Variants in TMEM273 observed in about 807,000 individuals in gnomAD.
TMEM273 encodes the protein chromosome 10 open reading frame 128.
A neutral mutation model predicts 17.9 loss-of-function variants in TMEM273; 19 were observed. The observed-to-expected ratio is 1.06, with a 90% confidence interval of 0.74 to 1.55. The LOEUF (loss-of-function observed/expected upper bound fraction) is 1.55. TMEM273 is among the 40% of genes most tolerant of loss of function. The pLI is 0.00. For synonymous variants in TMEM273, 66 were observed against 62.0 expected (o/e 1.07, Z -0.31); for missense variants, 194 against 155.6 (o/e 1.25, Z -1.31).
intron 5 of TMEM273, among the ~76,000 whole-genome samples, chr10:49,163,981 G>C (rs1399846680): frequency 6.6e-6 from 1 of 152,086 alleles, no homozygotes; most frequent in Non-Finnish European, 1.5e-5. Context: ...TCCTTCAATA[G>C]ACACTACTTG....
chr10:49,178,495 A>T, intron 1 of TMEM273: 1 of 339,382 alleles, frequency 2.9e-6, no homozygotes, highest in South Asian at 2.3e-5. Context: ...AACAGATGAC[A>T]TGTGAGGAGG....
At chr10:49,173,508 T>C (rs1846726540) in intron 1 of TMEM273, among the ~76,000 whole-genome samples, 1 of 152,168 alleles carries the variant, frequency 6.6e-6, no homozygotes, top group Non-Finnish European at 1.5e-5. Context: ...CTGTGGAAAG[T>C]GCTTATTTAT....
At chr10:49,156,190 G>C in intron 6 of TMEM273, 2 of 1,475,450 alleles carry the variant, frequency 1.4e-6, no homozygotes, top group Non-Finnish European at 1.8e-6. Flanking sequence ...ATTCCTCGAG[G>C]TTAATAGGCA....
chr10:49,171,003 C>G (rs530160010), intron 1 of TMEM273, among the ~76,000 whole-genome samples: 10 of 152,276 alleles, frequency 6.6e-5, no homozygotes, highest in African/African-American at 2.4e-4. Flanking sequence ...TGGAGTGCCT[C>G]GGCTGCATTT....
At chr10:49,172,584 G>A (rs1846650022) in intron 1 of TMEM273, among the ~76,000 whole-genome samples, 1 of 152,198 alleles carries the variant, frequency 6.6e-6, no homozygotes, top group Admixed American at 6.5e-5. Flanking sequence ...ACTTCACTAT[G>A]ACCTCATGAT....
chr10:49,178,118 A>C, intron 1 of TMEM273: 1 of 450,440 alleles, frequency 2.2e-6, no homozygotes, highest in South Asian at 1.6e-5. Context: ...GCTGTTTAAA[A>C]TCCTACAGAA....
intron 1 of TMEM273, among the ~76,000 whole-genome samples, chr10:49,177,051 G>A (rs1847028425): frequency 6.6e-6 from 1 of 152,178 alleles, no homozygotes; most frequent in Admixed American, 6.5e-5. Context: ...CGCCAGGGGA[G>A]GCAGGGTCAG....
intron 1 of TMEM273, among the ~76,000 whole-genome samples, chr10:49,184,665 A>G (rs1368035291): frequency 6.6e-6 from 1 of 152,220 alleles, no homozygotes; most frequent in Non-Finnish European, 1.5e-5. Flanking sequence ...TGTAAGGAAC[A>G]GATATGGCCA....
rs531716450 is a variant in TMEM273, at chr10:49,181,439, G to GA, written c.43+6854dup. 4.6e-5 allele frequency among the ~76,000 whole-genome samples: 7 copies of GA among 152,292 alleles called. No homozygotes were observed. The East Asian group carries it at 1.3e-3, about 29-fold the overall frequency. On this transcript the variant is annotated intron_variant, in intron 1 of 6. Coordinates refer to ENST00000374153, the MANE Select transcript of TMEM273 (RefSeq NM_001288740.3). ...TTTGAAAAGGAAGAATAAAGTAGAA[G>GA]AAATCACTCTACTCCCTTGAGACTT...
chr10:49,176,185 C>G (rs1846953965), intron 1 of TMEM273, among the ~76,000 whole-genome samples: 1 of 152,182 alleles, frequency 6.6e-6, no homozygotes, highest in South Asian at 2.1e-4. Context: ...AGCAGCTGCC[C>G]TTCCACAAGC....
Position 49,183,740 on chromosome 10 carries a change from G to A in TMEM273, c.43+4554C>T, listed in dbSNP as rs4838371. On this transcript the variant is annotated intron_variant, in intron 1 of 6. Transcript: ENST00000374153. ...TGACTACAATAAGAGTATCTGCCTT[G>A]GGGCTGAGAAATGAACAGGGTCCAC... Among the ~76,000 whole-genome samples, 1,497 of 152,242 alleles carry A rather than the reference G, an allele frequency of 9.8e-3. 19 individuals carry two copies. The highest frequency in any genetic ancestry group is 0.028 in the African/African-American group (1,179 of 41,524).
intron 1 of TMEM273, among the ~76,000 whole-genome samples, chr10:49,183,823 T>A (rs1355589907): frequency 1.3e-5 from 2 of 152,140 alleles, no homozygotes; most frequent in Non-Finnish European, 2.9e-5. Context: ...TGAAATTTTA[T>A]CACACTTTCC....
rs369394561 is a variant in TMEM273, at chr10:49,166,912, G to A, written c.195C>T (p.Asp65=). 2.8e-5 allele frequency: 45 copies of A among 1,614,032 alleles called. No individual in the cohort carries two copies. The highest frequency in any genetic ancestry group is 1.2e-4 in the Admixed American group (7 of 60,026). The change falls in exon 3 of 7, where the codon GAC becomes GAT. Residue 65 remains aspartate (D), a synonymous_variant. Coordinates refer to ENST00000374153, the MANE Select transcript of TMEM273 (RefSeq NM_001288740.3). ...KICMIRRHLF[D]DDSSDLKSTP... ...TGCTTTTCAGGTCGGAAGAGTCGTC[G>A]TCAAATAAGTGCCTCCTGATCATGC...
At chr10:49,185,708 G>A (rs938993855) in intron 1 of TMEM273, among the ~76,000 whole-genome samples, 4 of 152,138 alleles carry the variant, frequency 2.6e-5, no homozygotes, top group African/African-American at 9.7e-5. Context: ...GCCGGGCACG[G>A]TGGCTCACGC....
chr10:49,179,298 G>A (rs1321758739), intron 1 of TMEM273, among the ~76,000 whole-genome samples: 1 of 152,196 alleles, frequency 6.6e-6, no homozygotes, highest in African/African-American at 2.4e-5. Flanking sequence ...TTGGCCTGTG[G>A]GGCTCGGCTT....
chr10:49,158,097 C>T (rs1225303878), intron 6 of TMEM273, among the ~76,000 whole-genome samples: 2 of 152,028 alleles, frequency 1.3e-5, no homozygotes, highest in African/African-American at 4.8e-5. Context: ...ATAAATATAA[C>T]AAAAAATATG....
chr10:49,163,680 G>T (rs1845989196), intron 5 of TMEM273, among the ~76,000 whole-genome samples: 1 of 152,158 alleles, frequency 6.6e-6, no homozygotes, highest in Non-Finnish European at 1.5e-5. Context: ...TGGGGTGGGG[G>T]GATGACATGG....
At chr10:49,186,255 G>C (rs1288108058) in intron 1 of TMEM273, among the ~76,000 whole-genome samples, 4 of 152,086 alleles carry the variant, frequency 2.6e-5, no homozygotes, top group Non-Finnish European at 2.9e-5. Flanking sequence ...TAAATATATT[G>C]GATATTGTTG....
chr10:49,158,449 G>A lies in TMEM273; in HGVS notation c.373-2540C>T, dbSNP rs558062233. On this transcript the variant is annotated intron_variant, in intron 6 of 6. Coordinates refer to ENST00000374153, the MANE Select transcript of TMEM273 (RefSeq NM_001288740.3). ...ACCATGAAAGATTTTTGTTTCTGTG[G>A]AAAGATTCTGAAGTTGATTCTAAAG... Among the ~76,000 whole-genome samples, 297 of 152,242 alleles carry A rather than the reference G, an allele frequency of 2.0e-3. 1 individual carries two copies. The highest frequency in any genetic ancestry group is 6.9e-3 in the African/African-American group (288 of 41,548).
Sources: allele counts gnomAD v4.1 joint callset (sites outside exome capture counted in the v4.1 genomes callset), GRCh38; gene constraint gnomAD v4.1.1; transcripts MANE v1.5; gene names NCBI Gene and HGNC (gene_info 2026-07-23, HGNC 2026-07-21).